GPM6A: variants seen among roughly 807,000 people sequenced by gnomAD.
GPM6A encodes glycoprotein M6A.
A neutral mutation model predicts 32.1 loss-of-function variants in GPM6A; 7 were observed. The ratio of observed to expected loss-of-function variants is 0.22; its 90% confidence interval spans 0.12 to 0.41. The LOEUF is 0.41. Ranked by LOEUF, GPM6A falls within the 10% of genes least tolerant of loss-of-function variation. The probability of loss-of-function intolerance (pLI) is 1.00; values close to 1 mark genes in which losing one functional copy is unlikely to be tolerated. For synonymous variants in GPM6A, 130 were observed against 123.4 expected (o/e 1.05, Z -0.35); for missense variants, 235 against 347.2 (o/e 0.68, Z 2.57).
chr4:175,937,143 T>C (rs1359718107), intron 1 of GPM6A, among the ~76,000 whole-genome samples: 1 of 152,118 alleles, frequency 6.6e-6, no homozygotes, highest in Admixed American at 6.5e-5. Flanking sequence ...TTTATCAAAA[T>C]ATTAAAATTA....
At chr4:175,682,963 A>G (rs1043537077) in intron 2 of GPM6A, among the ~76,000 whole-genome samples, 2 of 152,190 alleles carry the variant, frequency 1.3e-5, no homozygotes, top group African/African-American at 4.8e-5. Flanking sequence ...GCCTAGTGGA[A>G]CTGTGAGAAG....
chr4:175,872,578 C>G (rs935489862), intron 1 of GPM6A: 8 of 152,152 alleles, frequency 5.3e-5, no homozygotes, highest in Non-Finnish European at 1.0e-4. Context: ...TTAGAAGAAA[C>G]ATTATAAATT....
chr4:175,699,551 C>G (rs1162393916), intron 2 of GPM6A, among the ~76,000 whole-genome samples: 5 of 152,160 alleles, frequency 3.3e-5, no homozygotes, highest in Non-Finnish European at 7.4e-5. Flanking sequence ...TAGCGAAGCT[C>G]TCACTTGATA....
chr4:175,759,062 T>G (rs1435826487), intron 1 of GPM6A, among the ~76,000 whole-genome samples: 3 of 152,218 alleles, frequency 2.0e-5, no homozygotes, highest in Non-Finnish European at 4.4e-5. Flanking sequence ...CTTTAGTTCA[T>G]GCAATCAGCC....
chr4:175,908,844 T>C (rs1237221916), intron 1 of GPM6A, among the ~76,000 whole-genome samples: 1 of 152,006 alleles, frequency 6.6e-6, no homozygotes. Context: ...TTTTCTCATA[T>C]TGTATTGGGC....
intron 1 of GPM6A, among the ~76,000 whole-genome samples, chr4:175,720,499 T>C (rs2644005): frequency 0.54 from 81,504 of 151,988 alleles, 23,026 homozygotes; most frequent in Non-Finnish European, 0.62. Flanking sequence ...AGAATATGCT[T>C]TACACTGAAG....
At chr4:175,890,284 T>G (rs1349449949) in intron 1 of GPM6A, among the ~76,000 whole-genome samples, 1 of 152,202 alleles carries the variant, frequency 6.6e-6, no homozygotes, top group African/African-American at 2.4e-5. Context: ...TAGAATCTGG[T>G]AATTTCATTT....
chr4:175,984,959 T>C (rs1740930182), intron 1 of GPM6A, among the ~76,000 whole-genome samples: 1 of 152,220 alleles, frequency 6.6e-6, no homozygotes, highest in South Asian at 2.1e-4. Context: ...TATAGTCATC[T>C]ATGTATTTAT....
chr4:175,920,422 AGC>A (rs1440447209), intron 1 of GPM6A, among the ~76,000 whole-genome samples: 2 of 152,234 alleles, frequency 1.3e-5, no homozygotes, highest in Non-Finnish European at 2.9e-5. Context: ...CCATGCATAC[AGC>A]AAGCACTCAA....
chr4:175,637,728 AT>A (rs1195982898), intron 6 of GPM6A, among the ~76,000 whole-genome samples: 2 of 85,036 alleles, frequency 2.4e-5, no homozygotes, highest in African/African-American at 4.8e-5. Context: ...TATATAATAT[AT>A]TATATATTAT....
intron 1 of GPM6A, among the ~76,000 whole-genome samples, chr4:175,850,817 A>G (rs894452319): frequency 2.0e-5 from 3 of 150,468 alleles, no homozygotes; most frequent in African/African-American, 7.3e-5. Context: ...ATGTATTTAC[A>G]TTTTTCGTAT....
upstream of GPM6A, among the ~76,000 whole-genome samples, chr4:175,813,379 C>G (rs1456147138): frequency 6.6e-6 from 1 of 152,120 alleles, no homozygotes; most frequent in Admixed American, 6.6e-5. Context: ...AGGGCACAGT[C>G]CAAGAGTCTC....
Position 175,664,614 on chromosome 4 carries a change from G to A in GPM6A, c.387+9066C>T, listed in dbSNP as rs571395534. 1.1e-3 allele frequency among the ~76,000 whole-genome samples: 169 copies of A among 152,166 alleles called. 1 individual carries two copies. Among genetic ancestry groups the A allele is most frequent in the Non-Finnish European group, 1.7e-3 (118 of 68,014 alleles). On this transcript the variant is annotated intron_variant, in intron 3 of 6. Transcript: ENST00000393658. ...TCATATACTTCAAGATTTACATGAC[G>A]CATCAGAGTTTTGCATCTACTTAAC...
At chr4:175,830,815 T>C (rs1735587210) in intron 1 of GPM6A, among the ~76,000 whole-genome samples, 1 of 152,180 alleles carries the variant, frequency 6.6e-6, no homozygotes, top group Non-Finnish European at 1.5e-5. Context: ...TTTCTGTTTT[T>C]TTTTTCATAT....
chr4:175,687,156 C>T (rs572242067), intron 2 of GPM6A, among the ~76,000 whole-genome samples: 1 of 152,212 alleles, frequency 6.6e-6, no homozygotes, highest in East Asian at 1.9e-4. Flanking sequence ...AGTCATGTTT[C>T]ATTATTTTTT....
chr4:175,788,198 C>A (rs1579501270), intron 1 of GPM6A: 1 of 151,882 alleles, frequency 6.6e-6, no homozygotes, highest in East Asian at 1.9e-4. Flanking sequence ...TAGGGAAGAG[C>A]AAGACAGAGA....
At chr4:175,862,872 G>A (rs1261677361) in intron 1 of GPM6A, among the ~76,000 whole-genome samples, 1 of 151,938 alleles carries the variant, frequency 6.6e-6, no homozygotes, top group Non-Finnish European at 1.5e-5. Flanking sequence ...TTGCTGTTGC[G>A]AATAGGGTCA....
intron 1 of GPM6A, among the ~76,000 whole-genome samples, chr4:175,912,043 C>A (rs189293034): frequency 6.6e-6 from 1 of 151,990 alleles, no homozygotes; most frequent in Admixed American, 6.6e-5. Context: ...TGATACCATG[C>A]AGAAACAGGG....
intron 1 of GPM6A, among the ~76,000 whole-genome samples, chr4:175,937,714 T>G (rs1739284743): frequency 6.6e-6 from 1 of 152,166 alleles, no homozygotes; most frequent in Non-Finnish European, 1.5e-5. Flanking sequence ...TATATTTACT[T>G]GAATTTTTTA....
Sources: allele counts gnomAD v4.1 joint callset (sites outside exome capture counted in the v4.1 genomes callset), GRCh38; gene constraint gnomAD v4.1.1; transcripts MANE v1.5; gene names NCBI Gene and HGNC (gene_info 2026-07-23, HGNC 2026-07-21).